The following CNTN3 variants were observed in gnomAD, a reference collection of about 807,000 sequenced individuals.
CNTN3 encodes the protein contactin 3.
CNTN3 carries 60 observed loss-of-function variants against 119.1 expected under a neutral mutation model. The ratio of observed to expected loss-of-function variants is 0.50; its 90% CI spans 0.41 to 0.62. The LOEUF is 0.62. Ranked by LOEUF, CNTN3 falls within the 20% of genes least tolerant of loss-of-function variation. The probability of loss-of-function intolerance (pLI) is 0.00; values close to 1 mark genes in which losing one functional copy is unlikely to be tolerated. For missense variants in CNTN3, 1,101 were observed against 1,242.4 expected (o/e 0.89, Z 1.71); for synonymous variants, 450 against 438.7 (o/e 1.03, Z -0.32).
chr3:74,329,404 T>C (rs546775222), intron 13 of CNTN3, among the ~76,000 whole-genome samples: 1 of 152,314 alleles, frequency 6.6e-6, no homozygotes, highest in East Asian at 1.9e-4. Flanking sequence ...CTGTACACCT[T>C]GGCTCTAGAC....
intron 1 of CNTN3, among the ~76,000 whole-genome samples, chr3:74,537,734 G>A (rs1226390976): frequency 1.3e-5 from 2 of 152,082 alleles, no homozygotes; most frequent in African/African-American, 4.8e-5. Context: ...AAATCACTGA[G>A]ACTATTCAAC....
At position 74,447,773 on chromosome 3, in the gene CNTN3, G is replaced by A. The variant is rs540929096; in HGVS notation, c.359-22833C>T. Among the ~76,000 whole-genome samples the A allele has an allele frequency of 3.3e-5, 5 of 152,230 alleles. No individual in the cohort carries two copies. The East Asian group carries it at 5.8e-4, about 18-fold the overall frequency. The stretch of plus-strand genomic sequence containing the variant: ...TCCCTGAGGTGGAGAGTTCATAAGG[G>A]CCCGCTCTGTTCTAAGTTGCTAAGA... On this transcript the variant is annotated intron_variant, in intron 4 of 22. Transcript: ENST00000263665.
chr3:74,433,400 G>A (rs1044402655), intron 4 of CNTN3, among the ~76,000 whole-genome samples: 18 of 152,082 alleles, frequency 1.2e-4, no homozygotes, highest in African/African-American at 3.4e-4. Flanking sequence ...AGCCTTTTGC[G>A]AGATTTTAAA....
chr3:74,557,445 C>T (rs2107169527), intron 1 of CNTN3, among the ~76,000 whole-genome samples: 1 of 152,208 alleles, frequency 6.6e-6, no homozygotes, highest in South Asian at 2.1e-4. Context: ...GCATCATCCT[C>T]CAGGACATCG....
At chr3:74,463,282 T>G (rs192350716) in intron 4 of CNTN3, among the ~76,000 whole-genome samples, 37 of 152,246 alleles carry the variant, frequency 2.4e-4, no homozygotes, top group African/African-American at 8.7e-4. Flanking sequence ...TTTTTGTCTC[T>G]CCCATAGAGT....
chr3:74,356,875 G>C (rs1051770865), intron 11 of CNTN3, among the ~76,000 whole-genome samples: 1 of 152,114 alleles, frequency 6.6e-6, no homozygotes, highest in Non-Finnish European at 1.5e-5. Flanking sequence ...TTGCAAAGCT[G>C]TTATTGTGCT....
chr3:74,357,305 A>G (rs1703959729), intron 11 of CNTN3, among the ~76,000 whole-genome samples: 1 of 148,722 alleles, frequency 6.7e-6, no homozygotes, highest in Non-Finnish European at 1.5e-5. Context: ...TTTTAATAGA[A>G]GGAGTTTCCC....
At chr3:74,537,048 G>A (rs1703775599) in intron 1 of CNTN3, among the ~76,000 whole-genome samples, 1 of 151,914 alleles carries the variant, frequency 6.6e-6, no homozygotes, top group Admixed American at 6.6e-5. Context: ...TAGACAAGAT[G>A]TGTCCTGAGA....
chr3:74,336,493 A>G (rs949535952), intron 12 of CNTN3, 38 bp downstream of exon 12: 8 of 1,604,002 alleles, frequency 5.0e-6, no homozygotes, highest in East Asian at 4.5e-5. Context: ...TCTTACAGTG[A>G]ATCCGTATGT....
At position 74,313,854 on chromosome 3, in the gene CNTN3, T is replaced by C. The variant is rs187071628; in HGVS notation, c.1669-11047A>G. ...TCTCTCCTGGATCTGGGGAAAGACA[T>C]AGAAAGGGAAAGGGGCATGGCTGCA... On this transcript the variant is annotated intron_variant, in intron 13 of 22. Transcript: ENST00000263665. Among the ~76,000 whole-genome samples the C allele has an allele frequency of 2.0e-4, 31 of 152,218 alleles. 1 individual carries two copies. In the East Asian group the frequency reaches 4.4e-3, roughly 22 times the overall value.
intron 1 of CNTN3, among the ~76,000 whole-genome samples, chr3:74,527,329 CT>C (rs1392884977): frequency 6.6e-6 from 1 of 151,780 alleles, no homozygotes; most frequent in African/African-American, 2.4e-5. Flanking sequence ...TTAATTTTTG[CT>C]TCTGGTCTTC....
intron 11 of CNTN3, among the ~76,000 whole-genome samples, chr3:74,352,228 C>T (rs1703831917): frequency 6.6e-6 from 1 of 152,194 alleles, no homozygotes; most frequent in Non-Finnish European, 1.5e-5. Flanking sequence ...ACAGCATGTT[C>T]CCTACTCTCT....
intron 1 of CNTN3, among the ~76,000 whole-genome samples, chr3:74,544,360 T>C (rs1703884155): frequency 6.6e-6 from 1 of 152,206 alleles, no homozygotes; most frequent in Admixed American, 6.5e-5. Flanking sequence ...AACTCTTCAC[T>C]GAACACACGT....
At chr3:74,532,901 TTC>T (rs1703713634) in intron 1 of CNTN3, among the ~76,000 whole-genome samples, 1 of 152,050 alleles carries the variant, frequency 6.6e-6, no homozygotes, top group Non-Finnish European at 1.5e-5. Flanking sequence ...GGGAAGAGTC[TTC>T]TCAGGATTAA....
At chr3:74,580,466 A>G (rs1704486568) in intron 1 of CNTN3, among the ~76,000 whole-genome samples, 1 of 152,198 alleles carries the variant, frequency 6.6e-6, no homozygotes, top group African/African-American at 2.4e-5. Context: ...TCAAGAAAAA[A>G]TTTTTAAGTC....
intron 4 of CNTN3, among the ~76,000 whole-genome samples, chr3:74,484,425 G>C (rs573417749): frequency 3.1e-4 from 47 of 152,044 alleles, no homozygotes; most frequent in African/African-American, 1.1e-3. Context: ...GAGATGAAAA[G>C]AATTTCAAAG....
At chr3:74,523,477 A>G (rs1172014154) in intron 1 of CNTN3, among the ~76,000 whole-genome samples, 2 of 151,938 alleles carry the variant, frequency 1.3e-5, no homozygotes, top group Non-Finnish European at 2.9e-5. Flanking sequence ...TCTAGGGACA[A>G]TGGGTAAGAC....
chr3:74,613,099 A>C (rs1215309500), intron 1 of CNTN3, among the ~76,000 whole-genome samples: 1 of 152,144 alleles, frequency 6.6e-6, no homozygotes. Flanking sequence ...ATTGAGATAT[A>C]AGCTCTTTCA....
intron 19 of CNTN3, 30 bp from the exon 20 acceptor site, chr3:74,285,521 A>T: frequency 6.4e-7 from 1 of 1,568,192 alleles, no homozygotes; most frequent in Non-Finnish European, 8.6e-7. Flanking sequence ...AAACATGTGA[A>T]GGCTTAAAAA....
Sources: gnomAD v4.1 joint callset for allele counts (sites outside exome capture counted in the v4.1 genomes callset) on GRCh38, gnomAD v4.1.1 for gene constraint, MANE v1.5 for transcripts, NCBI Gene and HGNC (gene_info 2026-07-23, HGNC 2026-07-21) for gene names.